Variants in CLVS1 observed in about 807,000 individuals in gnomAD.
CLVS1 encodes clavesin 1.
In CLVS1, 10 loss-of-function variants were observed where a neutral mutation model predicts 33.1. That is an observed-to-expected ratio of 0.30 (90% CI 0.19 to 0.51). The LOEUF is 0.51. Among genes scored for constraint, CLVS1 ranks in the 20% least tolerant of loss-of-function variants. The probability of loss-of-function intolerance (pLI) is 0.97; values close to 1 mark genes in which losing one functional copy is unlikely to be tolerated. For synonymous variants in CLVS1, 163 were observed against 166.1 expected, an observed-to-expected ratio of 0.98 and a Z score of 0.14; for missense variants, 343 against 433.4, an observed-to-expected ratio of 0.79 and a Z score of 1.85.
chr8:61,372,515 A>T (rs1231036517), intron 2 of CLVS1, among the ~76,000 whole-genome samples: 2 of 152,142 alleles, frequency 1.3e-5, no homozygotes, highest in African/African-American at 4.8e-5. Context: ...TTTTCAGCTT[A>T]TAGTAGTACA....
At position 61,321,207 on chromosome 8, in the gene CLVS1, T is replaced by C. The variant is rs151126275; in HGVS notation, c.455+20925T>C. ...CTTGCCTTGGCAGGAGAATTCTGCA[T>C]GCTTCAGTAGCTGAGGACCTGCTTG... On this transcript the variant is annotated intron_variant, in intron 2 of 5. Transcript: ENST00000325897. Among the ~76,000 whole-genome samples, 640 of 152,230 alleles carry C rather than the reference T, an allele frequency of 4.2e-3. 2 individuals are homozygous for C. The highest frequency in any genetic ancestry group is 7.3e-3 in the Non-Finnish European group (499 of 68,018).
At chr8:61,078,076 C>T (rs992635026) in intron 1 of CLVS1, among the ~76,000 whole-genome samples, 3 of 152,192 alleles carry the variant, frequency 2.0e-5, no homozygotes, top group Non-Finnish European at 2.9e-5. Context: ...TTAAACAGAG[C>T]CCCAGTGCAG....
intron 2 of CLVS1, among the ~76,000 whole-genome samples, chr8:61,234,981 T>A (rs1450573872): frequency 2.0e-5 from 3 of 152,170 alleles, no homozygotes; most frequent in African/African-American, 7.2e-5. Flanking sequence ...TTTGGAATGA[T>A]CATTGTCATC....
intron 2 of CLVS1, among the ~76,000 whole-genome samples, chr8:61,219,839 T>C (rs960144912): frequency 9.9e-5 from 15 of 152,238 alleles, no homozygotes; most frequent in Non-Finnish European, 2.1e-4. Flanking sequence ...ATAATCGTCA[T>C]TCTGACTCAC....
intron 2 of CLVS1, among the ~76,000 whole-genome samples, chr8:61,167,545 G>T (rs1806901278): frequency 6.6e-6 from 1 of 152,072 alleles, no homozygotes; most frequent in Non-Finnish European, 1.5e-5. Context: ...AGTGTCAGTG[G>T]ATAAAAATTA....
chr8:61,122,259 A>G (rs1429150605), intron 1 of CLVS1, among the ~76,000 whole-genome samples: 1 of 152,240 alleles, frequency 6.6e-6, no homozygotes. Flanking sequence ...CATTTTTGTC[A>G]TATGCTTCTG....
intron 2 of CLVS1, among the ~76,000 whole-genome samples, chr8:61,228,247 C>A (rs1466546780): frequency 6.6e-6 from 1 of 151,938 alleles, no homozygotes; most frequent in Non-Finnish European, 1.5e-5. Flanking sequence ...AATATGGATA[C>A]ATTATGGAAT....
the CLVS1 span, among the ~76,000 whole-genome samples, chr8:60,999,231 G>A: frequency 6.6e-6 from 1 of 152,218 alleles, no homozygotes; most frequent in Admixed American, 6.5e-5. Context: ...TGCTACTACT[G>A]GCTGGCAGTT....
At chr8:61,301,482 T>C (rs928055625) in intron 2 of CLVS1, among the ~76,000 whole-genome samples, 1 of 152,228 alleles carries the variant, frequency 6.6e-6, no homozygotes, top group African/African-American at 2.4e-5. Context: ...CCTCTGTTTA[T>C]GTTTCTACTA....
intron 2 of CLVS1, among the ~76,000 whole-genome samples, chr8:61,328,642 T>C (rs1811474500): frequency 6.6e-6 from 1 of 152,136 alleles, no homozygotes; most frequent in South Asian, 2.1e-4. Context: ...GACAGAAAAT[T>C]CCCAGATGCC....
upstream of CLVS1, among the ~76,000 whole-genome samples, chr8:61,283,285 C>A (rs1470632870): frequency 6.6e-6 from 1 of 152,136 alleles, no homozygotes; most frequent in Non-Finnish European, 1.5e-5. Flanking sequence ...TTTACTCTTC[C>A]TTTTTGTCAA....
At chr8:61,074,377 A>T (rs1354752252) in intron 1 of CLVS1, among the ~76,000 whole-genome samples, 1 of 54,854 alleles carries the variant, frequency 1.8e-5, no homozygotes, top group Non-Finnish European at 2.7e-5. Flanking sequence ...TATATATATA[A>T]GTATATGTGT....
chr8:61,207,665 C>T (rs1807883792), intron 2 of CLVS1, among the ~76,000 whole-genome samples: 1 of 152,188 alleles, frequency 6.6e-6, no homozygotes, highest in Admixed American at 6.5e-5. Context: ...TGTGTGGCCA[C>T]AGATATTCCA....
intron 2 of CLVS1, among the ~76,000 whole-genome samples, chr8:61,256,430 G>A (rs374672747): frequency 7.9e-5 from 12 of 152,036 alleles, no homozygotes; most frequent in African/African-American, 2.2e-4. Context: ...GGAGAATGGC[G>A]TGAACCCAGG....
intron 2 of CLVS1, among the ~76,000 whole-genome samples, chr8:61,233,877 C>T (rs1281269209): frequency 2.0e-5 from 3 of 152,248 alleles, no homozygotes; most frequent in Non-Finnish European, 4.4e-5. Context: ...GACCTCATCC[C>T]GGGGAATGGG....
At chr8:61,481,355 G>A (rs774286322) in intron 5 of CLVS1, among the ~76,000 whole-genome samples, 8 of 152,098 alleles carry the variant, frequency 5.3e-5, no homozygotes, top group Non-Finnish European at 1.2e-4. Flanking sequence ...TCATCTCACT[G>A]GGGCTTGTCA....
At chr8:61,263,051 C>T (rs180898676) in intron 2 of CLVS1, among the ~76,000 whole-genome samples, 28 of 152,182 alleles carry the variant, frequency 1.8e-4, no homozygotes, top group Admixed American at 1.4e-3. Context: ...AGCTGGCATT[C>T]GAAAGAGCAG....
chr8:60,998,019 G>A, the CLVS1 span, among the ~76,000 whole-genome samples: 4 of 151,988 alleles, frequency 2.6e-5, no homozygotes, highest in Admixed American at 1.3e-4. Context: ...GAAGGAAGGC[G>A]TCATCTTCCT....
rs540471618 is a variant in CLVS1 at position 61,426,318 on chromosome 8, C to T, written c.631-27823C>T. Among the ~76,000 whole-genome samples, 36 of 152,296 alleles carry T rather than the reference C, an allele frequency of 2.4e-4. 1 individual carries two copies. The highest frequency in any genetic ancestry group is 1.7e-3 in the Admixed American group (26 of 15,300). On this transcript the variant is annotated intron_variant, in intron 3 of 5. Coordinates refer to ENST00000325897, the MANE Select transcript of CLVS1 (RefSeq NM_173519.3). ...ACCTAACAGACAATTCCTGCAGTAC[C>T]TTGTTACTTCTAGCTCACGATTGTG...
Sources: gnomAD v4.1 joint callset for allele counts (sites outside exome capture counted in the v4.1 genomes callset) on GRCh38, gnomAD v4.1.1 for gene constraint, MANE v1.5 for transcripts, NCBI Gene and HGNC (gene_info 2026-07-23, HGNC 2026-07-21) for gene names.